URB1: variants seen among roughly 807,000 people sequenced by gnomAD.
URB1 encodes the protein URB1 ribosome biogenesis factor.
Under a neutral mutation model 242.3 loss-of-function variants are expected in URB1, and 197 were observed. The observed-to-expected ratio is 0.81, with a 90% CI of 0.72 to 0.91. The LOEUF (loss-of-function observed/expected upper bound fraction) is 0.91, where lower values mean the gene tolerates loss of function less well. Ranked by LOEUF, URB1 falls within the 40% of genes least tolerant of loss-of-function variation. The pLI is 0.00. For missense variants in URB1, 2,721 were observed against 2,860.5 expected, an observed-to-expected ratio of 0.95 and a Z score of 1.11; for synonymous variants, 1,153 against 1,201.8, an observed-to-expected ratio of 0.96 and a Z score of 0.84.
At chr21:32,339,887 G>A (rs1414883039) in intron 25 of URB1, among the ~76,000 whole-genome samples, 1 of 152,162 alleles carries the variant, frequency 6.6e-6, no homozygotes, top group Non-Finnish European at 1.5e-5. Context: ...TGAGAAAGAG[G>A]CAACTTAGTG....
rs2032600350 is a variant in URB1, at chr21:32,312,229, T to G, written c.*2689A>C. 1 of 1,441,830 alleles carries G rather than the reference T, an allele frequency of 6.9e-7. No homozygotes were observed. The highest frequency in any genetic ancestry group is 9.1e-7 in the Non-Finnish European group (1 of 1,100,516). The allele number at this position is 1,441,830 out of a possible 1,614,324, so 89.3% of individuals were successfully genotyped here. Reference sequence around the variant, plus strand: ...ATTGAGCACACCTAGCCTGCTTGCTTACTGCTTATATTTGCTCAGGGAAGA... The same window carrying G: ...ATTGAGCACACCTAGCCTGCTTGCTGACTGCTTATATTTGCTCAGGGAAGA... On this transcript the variant is annotated 3_prime_UTR_variant, in exon 39 of 39. Coordinates refer to ENST00000382751, the MANE Select transcript of URB1 (RefSeq NM_014825.3).
intron 1 of URB1, among the ~76,000 whole-genome samples, chr21:32,389,501 G>A (rs2033616634): frequency 6.6e-6 from 1 of 152,184 alleles, no homozygotes; most frequent in African/African-American, 2.4e-5. Flanking sequence ...CTCCAGCCAC[G>A]GTCCCAGCAG....
intron 15 of URB1, among the ~76,000 whole-genome samples, chr21:32,356,286 G>A (rs796627493): frequency 1.3e-5 from 2 of 152,286 alleles, no homozygotes; most frequent in African/African-American, 4.8e-5. Context: ...TAGCTACTCA[G>A]GAGGCTTAGT....
At chr21:32,351,462 C>T (rs1032496672) in intron 19 of URB1, among the ~76,000 whole-genome samples, 5 of 152,302 alleles carry the variant, frequency 3.3e-5, no homozygotes, top group African/African-American at 7.2e-5. Flanking sequence ...ATTTACTCCA[C>T]GTGGCTTATG....
intron 18 of URB1, among the ~76,000 whole-genome samples, chr21:32,353,362 T>C (rs2033180872): frequency 6.6e-6 from 1 of 152,148 alleles, no homozygotes; most frequent in African/African-American, 2.4e-5. Flanking sequence ...TGAGATGGCA[T>C]AGCTACAAAA....
intron 32 of URB1, among the ~76,000 whole-genome samples, chr21:32,323,842 T>C (rs2032795789): frequency 6.6e-6 from 1 of 152,086 alleles, no homozygotes; most frequent in African/African-American, 2.4e-5. Flanking sequence ...GCATTCGCTG[T>C]AGTCCCAGCT....
intron 24 of URB1, among the ~76,000 whole-genome samples, chr21:32,342,214 T>G (rs1176882745): frequency 6.6e-6 from 1 of 152,216 alleles, no homozygotes; most frequent in African/African-American, 2.4e-5. Context: ...AGCCTTTTAT[T>G]AAATAGCCAA....
intron 10 of URB1, among the ~76,000 whole-genome samples, chr21:32,363,915 C>CAAAGCACTGGGATTATGAGTGT (rs1401777185): frequency 2.0e-5 from 3 of 151,940 alleles, no homozygotes; most frequent in Non-Finnish European, 4.4e-5. Context: ...CTCAGCCTCC[C>CAAAGCACTGGGATTATGAGTGT]AAAGCACTGG....
intron 28 of URB1, among the ~76,000 whole-genome samples, 160 bp from the exon 29 acceptor site, chr21:32,334,494 C>T (rs1568813641): frequency 2.0e-5 from 3 of 152,090 alleles, no homozygotes; most frequent in Admixed American, 1.3e-4. Flanking sequence ...TCACAGCTTA[C>T]GAAGTGGGTG....
rs200551518 is a variant in URB1, at chr21:32,321,829, T to C, written c.5456A>G (p.His1819Arg). 1.3e-6 allele frequency: 2 copies of C among 1,551,640 alleles called. No individual in the cohort carries two copies. Among genetic ancestry groups the C allele is most frequent in the East Asian group, 4.9e-5 (2 of 40,918 alleles). ...TGCTGCCTCGTCACACAGCGGGCTG[T>C]GGAAGAAGGACAGGATGATGTGGAA... ...GIFHIILSFF[H>R]SPLCDEAAQN... The change falls in exon 34 of 39, where the codon CAC becomes CGC. Residue 1819 changes from histidine to arginine, a missense_variant. Physicochemically the swap from His to Arg is conservative, Grantham distance 29. Transcript: ENST00000382751.
chr21:32,391,962 T>C (rs1200543339), intron 1 of URB1, among the ~76,000 whole-genome samples: 1 of 151,916 alleles, frequency 6.6e-6, no homozygotes, highest in African/African-American at 2.4e-5. Context: ...AGTTCAAGGC[T>C]GCAGTGAGCT....
rs1225378887 is a variant in URB1, at chr21:32,321,796, T to C, written c.5484+5A>G. On this transcript the variant is annotated splice_donor_5th_base_variant and intron_variant, in intron 34 of 38. Coordinates refer to ENST00000382751, the MANE Select transcript of URB1 (RefSeq NM_014825.3). Reference sequence around the variant, plus strand: ...CTCTCAAATAAGCTTGCGGAACCCATGTACCTGTGCTGCCTCGTCACACAG... The same window carrying C: ...CTCTCAAATAAGCTTGCGGAACCCACGTACCTGTGCTGCCTCGTCACACAG... The C allele has an allele frequency of 2.6e-6, 4 of 1,551,482 alleles. No homozygotes were observed. The South Asian group carries it at 3.6e-5, about 14-fold the overall frequency.
At chr21:32,391,257 T>C (rs1436210003) in intron 1 of URB1, among the ~76,000 whole-genome samples, 1 of 151,506 alleles carries the variant, frequency 6.6e-6, no homozygotes, top group Non-Finnish European at 1.5e-5. Flanking sequence ...TTAGGAGATA[T>C]ACCTAAGGTT....
At position 32,352,926 on chromosome 21, in the gene URB1, A is replaced by G. The variant is rs1414742476; in HGVS notation, c.2417-20T>C. ...TTTCCGCTGCAAAGGAACGAGATGCATATGGGAAGAGGCTGGCTGGGCCCA... is the reference window on the plus strand; with the variant it reads ...TTTCCGCTGCAAAGGAACGAGATGCGTATGGGAAGAGGCTGGCTGGGCCCA... On this transcript the variant is annotated intron_variant, in intron 18 of 38. Transcript: ENST00000382751. The G allele has an allele frequency of 6.6e-7, 1 of 1,522,874 alleles. No homozygotes were observed. Among genetic ancestry groups the G allele is most frequent in the African/African-American group, 1.4e-5 (1 of 72,626 alleles). The allele number at this position is 1,522,874 out of a possible 1,614,324, so 94.3% of individuals were successfully genotyped here. A position where few individuals can be genotyped will look rare whatever the true frequency, so the allele number is the denominator to read the frequency against.
intron 1 of URB1, among the ~76,000 whole-genome samples, chr21:32,387,373 C>T (rs889221305): frequency 6.6e-6 from 1 of 152,098 alleles, no homozygotes; most frequent in Non-Finnish European, 1.5e-5. Context: ...GAGTCGAGAT[C>T]GTGCCACTGC....
chr21:32,331,851 C>T (rs1281237089), intron 30 of URB1, among the ~76,000 whole-genome samples: 1 of 152,208 alleles, frequency 6.6e-6, no homozygotes, highest in Admixed American at 6.5e-5. Context: ...GAGAGAAGGC[C>T]AAGTAGGGAG....
At position 32,347,617 on chromosome 21, in the gene URB1, C is replaced by T; in HGVS notation, c.3207G>A (p.Leu1069=). 6.4e-7 allele frequency: 1 copy of T among 1,551,710 alleles called. No homozygotes were observed. Among genetic ancestry groups the T allele is most frequent in the Non-Finnish European group, 8.7e-7 (1 of 1,146,992 alleles). The part of the protein sequence containing the change: ...SAPILQNIGQ[L]GLLARYSEAI... ...CCTCTGAGTACCTGGCCAGAAGGCC[C>T]AGCTGCCCAATGTTCTGGAGGATCG... The change falls in exon 22 of 39, where the codon CTG becomes CTA. Residue 1069 remains leucine (L), a synonymous_variant. Coordinates refer to ENST00000382751, the MANE Select transcript of URB1 (RefSeq NM_014825.3).
At chr21:32,315,809 G>A (rs373554552) in intron 38 of URB1, among the ~76,000 whole-genome samples, 8 of 152,218 alleles carry the variant, frequency 5.3e-5, no homozygotes, top group African/African-American at 1.9e-4. Context: ...GGCCAGACCA[G>A]AGGGCAAGGT....
In URB1 at chr21:32,369,630, GT is replaced by G. The variant is rs955839749; in HGVS notation, c.1002-1033del. Among the ~76,000 whole-genome samples, 7 of 151,952 alleles carry G rather than the reference GT, an allele frequency of 4.6e-5. No individual in the cohort carries two copies. The East Asian group carries it at 5.8e-4, about 13-fold the overall frequency. ...GCACACCACCACATCTGGAAATAAA[GT>G]TTTTTTTATACGAACTGCTCATGAG... On this transcript the variant is annotated intron_variant, in intron 8 of 38. Coordinates refer to ENST00000382751, the MANE Select transcript of URB1 (RefSeq NM_014825.3).
Sources: allele counts gnomAD v4.1 joint callset (sites outside exome capture counted in the v4.1 genomes callset), GRCh38; gene constraint gnomAD v4.1.1; transcripts MANE v1.5; gene names NCBI Gene and HGNC (gene_info 2026-07-23, HGNC 2026-07-21).